Variants in RBMS3 observed in about 807,000 individuals in gnomAD.
RBMS3 encodes the protein RNA binding motif single stranded interacting protein 3, also known as RNA-binding motif, single-stranded-interacting protein 3.
Under a neutral mutation model 66.8 loss-of-function variants are expected in RBMS3, and 27 were observed. The ratio of observed to expected loss-of-function variants is 0.40; its 90% confidence interval spans 0.30 to 0.56. The LOEUF (loss-of-function observed/expected upper bound fraction) is 0.56. Ranked by LOEUF, RBMS3 falls within the 20% of genes least tolerant of loss-of-function variation. RBMS3 has a pLI of 0.40. For synonymous variants in RBMS3, 188 were observed against 183.0 expected (o/e 1.03, Z -0.22); for missense variants, 513 against 549.5 (o/e 0.93, Z 0.66).
At chr3:29,988,355 A>G in intron 13 of RBMS3, 132 bp downstream of exon 13, 1 of 670,146 alleles carries the variant, frequency 1.5e-6, no homozygotes, top group Non-Finnish European at 2.5e-6. Context: ...TTGTAAATTC[A>G]GTGTATGAAA....
intron 2 of RBMS3, among the ~76,000 whole-genome samples, chr3:29,460,756 C>G (rs2042343934): frequency 6.6e-6 from 1 of 152,022 alleles, no homozygotes; most frequent in African/African-American, 2.4e-5. Flanking sequence ...GCTTCGCAGC[C>G]CTCTTTGGAG....
At chr3:29,703,594 C>G (rs182564448) in intron 4 of RBMS3, among the ~76,000 whole-genome samples, 1 of 152,256 alleles carries the variant, frequency 6.6e-6, no homozygotes, top group Admixed American at 6.5e-5. Context: ...CTGGTAGTGC[C>G]ATGTTATAAC....
intron 1 of RBMS3, among the ~76,000 whole-genome samples, chr3:29,399,844 A>T (rs1316209265): frequency 6.6e-6 from 1 of 152,160 alleles, no homozygotes; most frequent in East Asian, 1.9e-4. Context: ...ACAATGGCTA[A>T]ATCAGCTAAA....
intron 1 of RBMS3, among the ~76,000 whole-genome samples, chr3:29,303,765 A>G (rs1010875590): frequency 6.6e-6 from 1 of 152,026 alleles, no homozygotes; most frequent in African/African-American, 2.4e-5. Context: ...TTTTCATAGC[A>G]TATTAGTCCG....
intron 3 of RBMS3, among the ~76,000 whole-genome samples, chr3:29,553,666 C>A (rs2149035506): frequency 6.6e-6 from 1 of 152,084 alleles, no homozygotes; most frequent in African/African-American, 2.4e-5. Flanking sequence ...AGTGATGCAC[C>A]AGTGTACCAT....
intron 1 of RBMS3, among the ~76,000 whole-genome samples, chr3:29,395,497 C>T (rs542918787): frequency 6.6e-6 from 1 of 152,220 alleles, no homozygotes; most frequent in South Asian, 2.1e-4. Flanking sequence ...TTAGTGTATG[C>T]CAAAATGCTC....
chr3:29,390,265 A>T (rs1447823954), intron 1 of RBMS3, among the ~76,000 whole-genome samples: 1 of 152,178 alleles, frequency 6.6e-6, no homozygotes. Context: ...GGATTTCCAA[A>T]TTCAAGATAA....
chr3:29,483,265 CG>C (rs2043204894), intron 2 of RBMS3, among the ~76,000 whole-genome samples: 1 of 143,224 alleles, frequency 7.0e-6, no homozygotes, highest in African/African-American at 2.6e-5. Context: ...GCCGAGATCG[CG>C]TCACTGCACT....
intron 4 of RBMS3, among the ~76,000 whole-genome samples, chr3:29,705,030 G>A (rs914157731): frequency 5.3e-5 from 8 of 152,190 alleles, no homozygotes; most frequent in African/African-American, 1.7e-4. Context: ...GCTTTCTGGA[G>A]TCAGTTCCCT....
At chr3:29,596,168 A>G (rs956154860) in intron 4 of RBMS3, among the ~76,000 whole-genome samples, 1 of 152,222 alleles carries the variant, frequency 6.6e-6, no homozygotes, top group Non-Finnish European at 1.5e-5. Flanking sequence ...CCTGGCCCCA[A>G]CTTTTAACCA....
At chr3:29,509,694 A>G (rs984191987) in intron 3 of RBMS3, among the ~76,000 whole-genome samples, 11 of 152,144 alleles carry the variant, frequency 7.2e-5, no homozygotes, top group East Asian at 5.8e-4. Flanking sequence ...TCCTTCCTCT[A>G]TATCCCTTAA....
chr3:29,483,166 G>A (rs1344485247), intron 2 of RBMS3, among the ~76,000 whole-genome samples: 1 of 151,442 alleles, frequency 6.6e-6, no homozygotes, highest in African/African-American at 2.4e-5. Context: ...AAAATTAGCC[G>A]GGCTTGGGGG....
intron 3 of RBMS3, among the ~76,000 whole-genome samples, chr3:29,532,377 T>TTC (rs2045398801): frequency 6.6e-6 from 1 of 150,954 alleles, no homozygotes; most frequent in South Asian, 2.1e-4. Flanking sequence ...CAACATACAT[T>TTC]TCTTAGGTAC....
At chr3:29,298,175 A>T (rs2033415616) in intron 1 of RBMS3, among the ~76,000 whole-genome samples, 1 of 151,918 alleles carries the variant, frequency 6.6e-6, no homozygotes, top group Non-Finnish European at 1.5e-5. Flanking sequence ...AATAAGTGTC[A>T]ATTGACTGAA....
At chr3:29,608,769 G>A (rs1416784763) in intron 4 of RBMS3, among the ~76,000 whole-genome samples, 1 of 151,902 alleles carries the variant, frequency 6.6e-6, no homozygotes, top group Non-Finnish European at 1.5e-5. Flanking sequence ...TAGCTGAGAG[G>A]GCAAGAGATC....
At chr3:29,526,311 G>A (rs1232351114) in intron 3 of RBMS3, 1 of 152,036 alleles carries the variant, frequency 6.6e-6, no homozygotes, top group Admixed American at 6.6e-5. Context: ...ACGAGGTCAG[G>A]AGATCGAGAA....
At chr3:29,974,859 C>T (rs1007902481) in intron 12 of RBMS3, among the ~76,000 whole-genome samples, 3 of 133,618 alleles carry the variant, frequency 2.2e-5, no homozygotes, top group East Asian at 4.3e-4. Flanking sequence ...ATATAAAATA[C>T]GTTTCTATAT....
intron 3 of RBMS3, among the ~76,000 whole-genome samples, chr3:29,562,721 C>T (rs555953155): frequency 1.3e-5 from 2 of 152,300 alleles, no homozygotes; most frequent in South Asian, 2.1e-4. Flanking sequence ...ACCTTTCCTC[C>T]TTCTCCATAG....
At chr3:29,478,207 C>T (rs9809198) in intron 2 of RBMS3, among the ~76,000 whole-genome samples, 5,685 of 152,236 alleles carry the variant, frequency 0.037, 253 homozygotes, top group East Asian at 0.25. Flanking sequence ...ACAGTGAGAA[C>T]CAATTGTCAG....
Sources: allele counts gnomAD v4.1 joint callset (sites outside exome capture counted in the v4.1 genomes callset), GRCh38; gene constraint gnomAD v4.1.1; transcripts MANE v1.5; gene names NCBI Gene and HGNC (gene_info 2026-07-23, HGNC 2026-07-21).